The following PKN3 variants were observed in gnomAD, a reference collection of about 807,000 sequenced individuals.
PKN3 encodes protein kinase N3.
In PKN3, 91 loss-of-function variants were observed where a neutral mutation model predicts 113.1. The ratio of observed to expected loss-of-function variants is 0.80; its 90% CI spans 0.68 to 0.96. The LOEUF (loss-of-function observed/expected upper bound fraction) is 0.96, where lower values mean the gene tolerates loss of function less well. Ranked by LOEUF, PKN3 falls within the 40% of genes least tolerant of loss-of-function variation. The probability of loss-of-function intolerance (pLI) is 0.00; values close to 1 mark genes in which losing one functional copy is unlikely to be tolerated. For missense variants in PKN3, 1,052 were observed against 1,202.2 expected, an observed-to-expected ratio of 0.88 and a Z score of 1.85; for synonymous variants, 467 against 499.0, an observed-to-expected ratio of 0.94 and a Z score of 0.85.
In PKN3 at chr9:128,707,028, G is replaced by A; in HGVS notation, c.651+5G>A. 6.2e-7 allele frequency: 1 copy of A among 1,613,976 alleles called. No individual in the cohort carries two copies. The highest frequency in any genetic ancestry group is 8.5e-7 in the Non-Finnish European group (1 of 1,179,960). ...GACCGCAAGGCACTGGCTGAGGTCA[G>A]GCCCCAGCCCTGGCCCTCTCCTAAG... is the stretch of plus-strand genomic sequence containing the variant. On this transcript the variant is annotated splice_donor_5th_base_variant and intron_variant, in intron 5 of 21. Transcript: ENST00000291906.
In PKN3 at chr9:128,702,761, C is replaced by A; in HGVS notation, c.-155C>A. 1 of 578,502 alleles carries A rather than the reference C, an allele frequency of 1.7e-6. No individual in the cohort carries two copies. The highest frequency in any genetic ancestry group is 2.1e-5 in the South Asian group (1 of 47,668). 35.8% of individuals were successfully genotyped at this position (578,502 alleles called of 1,614,324 possible). On this transcript the variant is annotated 5_prime_UTR_variant, in exon 1 of 22. Transcript: ENST00000291906. ...GGCGCGGACGGGAGGCGGCGCTGGT[C>A]CCGCGGGCCAGCGGGTCTCGGGAGG...
At chr9:128,713,720 T>G (rs1401302359) in intron 9 of PKN3, 78 bp downstream of exon 9, 12 of 1,388,848 alleles carry the variant, frequency 8.6e-6, no homozygotes, top group Non-Finnish European at 1.2e-5. Flanking sequence ...ACCGATGCAC[T>G]GCGTGTAGGT....
chr9:128,714,317 C>T lies in PKN3; in HGVS notation c.1433C>T (p.Pro478Leu). 1 of 1,611,586 alleles carries T rather than the reference C, an allele frequency of 6.2e-7. No individual in the cohort carries two copies. The highest frequency in any genetic ancestry group is 8.5e-7 in the Non-Finnish European group (1 of 1,178,732). ...ACAATCAGCCCCCCTAAAGGATGCC[C>T]TCGGACCCCAACAACACTGCGAGAG... ...PSTISPPKGC[P>L]RTPTTLREAS... The change falls in exon 11 of 22, where the codon CCT becomes CTT. Residue 478 changes from proline to leucine, a missense_variant. Pro to Leu is a moderately conservative substitution (Grantham distance 98). Coordinates refer to ENST00000291906, the MANE Select transcript of PKN3 (RefSeq NM_013355.5).
chr9:128,704,236 A>G, intron 1 of PKN3: 1 of 757,450 alleles, frequency 1.3e-6, no homozygotes, highest in Non-Finnish European at 1.6e-6. Flanking sequence ...GCTGGAAAGG[A>G]GGTGTTCCTG....
At chr9:128,703,029 C>A in intron 1 of PKN3, 90 bp downstream of exon 1, 1 of 898,416 alleles carries the variant, frequency 1.1e-6, no homozygotes, top group South Asian at 2.0e-5. Flanking sequence ...CCGCTTCCCC[C>A]GATCCTCCCC....
intron 1 of PKN3, chr9:128,703,539 G>T (rs1861917544): frequency 1.0e-5 from 10 of 985,442 alleles, no homozygotes; most frequent in Non-Finnish European, 1.2e-5. Context: ...GTGCGCGTGG[G>T]CCCGGAGGAC....
At position 128,707,355 on chromosome 9, in the gene PKN3, C is replaced by T. The variant is rs200583902; in HGVS notation, c.785C>T (p.Pro262Leu). 1.7e-5 allele frequency: 28 copies of T among 1,613,498 alleles called. No homozygotes were observed. In the East Asian group the frequency reaches 5.3e-4, roughly 31 times the overall value. ...ACCCGAGAGTTGCGGGCTGCGGTGC[C>T]TGGATACCCCCAGCCTTCAGGGACA... is the stretch of plus-strand genomic sequence containing the variant. ...RVTRELRAAV[P>L]GYPQPSGTPV... The change falls in exon 6 of 22, where the codon CCT becomes CTT. Residue 262 changes from proline (P) to leucine (L), a missense_variant. By Grantham distance (98) the Pro-to-Leu change is moderately conservative. Around this residue, in one of 2 missense-constraint regions of PKN3, gnomAD observed 719 missense variants for 759.4 expected, o/e 0.95. Coordinates refer to ENST00000291906, the MANE Select transcript of PKN3 (RefSeq NM_013355.5).
chr9:128,709,752 CAA>C (rs879264485), intron 6 of PKN3: 10 of 132,000 alleles, frequency 7.6e-5, no homozygotes, highest in Non-Finnish European at 1.2e-4. Flanking sequence ...AACTCTGTCT[CAA>C]AAAAAAAAAA....
In PKN3 at chr9:128,713,211, G is replaced by A; in HGVS notation, c.982+13G>A. The A allele has an allele frequency of 6.2e-7, 1 of 1,608,798 alleles. No homozygotes were observed. Among genetic ancestry groups the A allele is most frequent in the South Asian group, 1.1e-5 (1 of 90,736 alleles). ...GGCGAGCTTGCCAGTGAGTAGGGAA[G>A]GAGCTTCAGGGGGAGCAGGAGACCC... On this transcript the variant is annotated intron_variant, in intron 7 of 21. Coordinates refer to ENST00000291906, the MANE Select transcript of PKN3 (RefSeq NM_013355.5).
intron 6 of PKN3, among the ~76,000 whole-genome samples, chr9:128,709,611 G>A: frequency 6.6e-6 from 1 of 151,854 alleles, no homozygotes; most frequent in Non-Finnish European, 1.5e-5. Flanking sequence ...AATTAGCCGG[G>A]CCTGGTGGTG....
At chr9:128,714,906 T>G (rs777313245) in intron 13 of PKN3, 41 bp downstream of exon 13, 1 of 1,573,750 alleles carries the variant, frequency 6.4e-7, no homozygotes, top group African/African-American at 1.3e-5. Flanking sequence ...GACGTTCGTC[T>G]GCTTGCTTGA....
At chr9:128,707,148 G>A (rs990915297) in intron 5 of PKN3, 74 bp from the exon 6 acceptor site, 1 of 1,578,638 alleles carries the variant, frequency 6.3e-7, no homozygotes, top group Middle Eastern at 1.8e-4. Context: ...TGCGGAAGGT[G>A]GCTCCGGGTG....
chr9:128,714,437 C>A, intron 11 of PKN3, 72 bp downstream of exon 11: 1 of 1,307,030 alleles, frequency 7.7e-7, no homozygotes, highest in South Asian at 1.2e-5. Context: ...CAGGCGGTAT[C>A]TGTCTGTCTG....
intron 2 of PKN3, 68 bp downstream of exon 2, chr9:128,705,611 C>T: frequency 6.5e-7 from 1 of 1,543,244 alleles, no homozygotes; most frequent in South Asian, 1.2e-5. Flanking sequence ...GGCCTTGGCC[C>T]TGGCCACTGT....
At chr9:128,704,969 A>C (rs1193256156) in intron 1 of PKN3, among the ~76,000 whole-genome samples, 1 of 151,966 alleles carries the variant, frequency 6.6e-6, no homozygotes, top group Non-Finnish European at 1.5e-5. Flanking sequence ...GGTAATGACC[A>C]CCGCTACCGG....
chr9:128,719,448 C>T (rs958926892), intron 18 of PKN3, among the ~76,000 whole-genome samples: 2 of 152,186 alleles, frequency 1.3e-5, no homozygotes, highest in African/African-American at 4.8e-5. Flanking sequence ...CTCGGCCTCC[C>T]AAAGTGCTGG....
intron 6 of PKN3, among the ~76,000 whole-genome samples, chr9:128,709,207 C>T (rs1430650565): frequency 4.6e-5 from 7 of 151,740 alleles, no homozygotes; most frequent in Admixed American, 1.3e-4. Context: ...ATGGCGGGAA[C>T]CCCGGGGGGC....
chr9:128,714,432 G>T lies in PKN3; in HGVS notation c.1481+67G>T, dbSNP rs541183025. The T allele has an allele frequency of 3.6e-6, 5 of 1,382,540 alleles. No homozygotes were observed. In the African/African-American group the frequency reaches 7.1e-5, roughly 20 times the overall value. 85.6% of individuals were successfully genotyped at this position (1,382,540 alleles called of 1,614,324 possible). A position where few individuals can be genotyped will look rare whatever the true frequency, so the allele number is the denominator to read the frequency against. On this transcript the variant is annotated intron_variant, in intron 11 of 21. Coordinates refer to ENST00000291906, the MANE Select transcript of PKN3 (RefSeq NM_013355.5). The stretch of plus-strand genomic sequence containing the variant: ...CGGCTTCCTGACTCCAGATCCAGGC[G>T]GTATCTGTCTGTCTGTCTGCATTGC...
Position 128,718,564 on chromosome 9 carries a change from T to C in PKN3, c.2064T>C (p.Asp688=), listed in dbSNP as rs1186393472. 11 of 1,614,100 alleles carry C rather than the reference T, an allele frequency of 6.8e-6. No individual in the cohort carries two copies. Among genetic ancestry groups the C allele is most frequent in the Middle Eastern group, 3.3e-4 (2 of 6,062 alleles). The part of the protein sequence containing the change: ...KKIIYRDLKL[D]NLLLDAQGFL... Reference sequence around the variant, plus strand: ...TTGCCCTCAGGGACCTGAAGTTGGATAACCTTCTGCTGGATGCCCAGGGAT... The same window carrying C: ...TTGCCCTCAGGGACCTGAAGTTGGACAACCTTCTGCTGGATGCCCAGGGAT... The change falls in exon 18 of 22, where the codon GAT becomes GAC. Residue 688 remains aspartate, a synonymous_variant. Coordinates refer to ENST00000291906, the MANE Select transcript of PKN3 (RefSeq NM_013355.5).
Sources: gnomAD v4.1 joint callset for allele counts (sites outside exome capture counted in the v4.1 genomes callset) on GRCh38, gnomAD v4.1.1 for gene constraint, gnomAD v4.1.1 regional missense constraint, MANE v1.5 for transcripts, NCBI Gene and HGNC (gene_info 2026-07-23, HGNC 2026-07-21) for gene names.